CUX1: variants seen among roughly 807,000 people sequenced by gnomAD.
CUX1 encodes the protein protein CASP.
Under a neutral mutation model 158.8 loss-of-function variants are expected in CUX1, and 31 were observed. The ratio of observed to expected loss-of-function variants is 0.20; its 90% CI spans 0.15 to 0.26. CUX1 has a LOEUF of 0.26. Ranked by LOEUF, CUX1 falls within the 10% of genes least tolerant of loss-of-function variation. The probability of loss-of-function intolerance (pLI) is 1.00; values close to 1 mark genes in which losing one functional copy is unlikely to be tolerated. For missense variants in CUX1, 1,589 were observed against 2,014.6 expected, an observed-to-expected ratio of 0.79 and a Z score of 4.04; for synonymous variants, 879 against 862.1, an observed-to-expected ratio of 1.02 and a Z score of -0.34.
At chr7:102,012,775 G>A (rs963236142) in intron 2 of CUX1, among the ~76,000 whole-genome samples, 2 of 152,016 alleles carry the variant, frequency 1.3e-5, no homozygotes, top group East Asian at 1.9e-4. Flanking sequence ...ATGAATCAAT[G>A]AATGAATGAA....
chr7:102,206,075 G>A lies in CUX1; in HGVS notation c.3130+905G>A, dbSNP rs151247264. On this transcript the variant is annotated intron_variant, in intron 20 of 23. Coordinates refer to ENST00000292535, the MANE Select transcript of CUX1 (RefSeq NM_181552.4). Reference sequence around the variant, plus strand: ...CAAAGCTAACAGGAGCACGAAGCCCGCCAGCTTGCCGCAAGCTCCACGAGG... The same window carrying A: ...CAAAGCTAACAGGAGCACGAAGCCCACCAGCTTGCCGCAAGCTCCACGAGG... Among the ~76,000 whole-genome samples, 5 of 152,242 alleles carry A rather than the reference G, an allele frequency of 3.3e-5. No individual in the cohort carries two copies. In the East Asian group the frequency reaches 5.8e-4, roughly 18 times the overall value.
Position 102,200,103 on chromosome 7 carries a change from A to T in CUX1, c.1993A>T (p.Thr665Ser). Residue 665 changes from threonine (T) to serine (S), a missense_variant, in exon 17 of 24, where the codon ACT becomes TCT. By Grantham distance (58) the Thr-to-Ser change is moderately conservative. This residue lies in a region of CUX1 where 337 missense variants were observed against 409.3 expected (regional missense o/e 0.82). Coordinates refer to ENST00000292535, the MANE Select transcript of CUX1 (RefSeq NM_181552.4). ...CACCACCCGGATCCGAGCCTCGGAG[A>T]CTGGCTCTGATGAAGCCATCAAGTC... The part of the protein sequence containing the change: ...NITTRIRASE[T>S]GSDEAIKSIL... 6.2e-7 allele frequency: 1 copy of T among 1,613,488 alleles called. No individual in the cohort carries two copies. The highest frequency in any genetic ancestry group is 1.3e-5 in the African/African-American group (1 of 75,000).
At chr7:101,917,481 G>A (rs77929395) in intron 2 of CUX1, among the ~76,000 whole-genome samples, 177 of 152,212 alleles carry the variant, frequency 1.2e-3, no homozygotes, top group Admixed American at 1.9e-3. Flanking sequence ...CATGTTTCAC[G>A]AGACCAAAAA....
chr7:102,278,698 TAATAA>T (rs1791813721), intron 18 of CUX1, among the ~76,000 whole-genome samples: 1 of 133,890 alleles, frequency 7.5e-6, no homozygotes, highest in Non-Finnish European at 1.6e-5. Flanking sequence ...TAAAATAAAA[TAATAA>T]AATAGTAAAG....
chr7:102,158,686 G>T, intron 9 of CUX1, 78 bp downstream of exon 9: 1 of 1,360,658 alleles, frequency 7.3e-7, no homozygotes, highest in Non-Finnish European at 1.0e-6. Flanking sequence ...TGCGTCACCC[G>T]AAGTTAGAAG....
chr7:101,887,561 G>A (rs946359166), intron 1 of CUX1, among the ~76,000 whole-genome samples: 15 of 151,910 alleles, frequency 9.9e-5, no homozygotes, highest in African/African-American at 3.1e-4. Context: ...CTCCTGCCTC[G>A]GCCTCCCAAA....
intron 19 of CUX1, chr7:102,280,721 G>C: frequency 7.0e-7 from 1 of 1,429,008 alleles, no homozygotes. Flanking sequence ...GTGTCCTGTG[G>C]CTGGCCAGGC....
chr7:102,126,201 G>GTGTGTGTA (rs1832625391), intron 8 of CUX1, among the ~76,000 whole-genome samples: 1 of 151,158 alleles, frequency 6.6e-6, no homozygotes. Flanking sequence ...GTGTGTGTGT[G>GTGTGTGTA]TGTGTGTGTG....
chr7:101,902,915 T>C (rs1010099208), intron 1 of CUX1, among the ~76,000 whole-genome samples: 3 of 152,202 alleles, frequency 2.0e-5, no homozygotes, highest in African/African-American at 7.2e-5. Flanking sequence ...ACCCCTCTGA[T>C]ATTTCTTAAT....
At chr7:102,023,577 G>T (rs530564804) in intron 2 of CUX1, among the ~76,000 whole-genome samples, 2 of 152,292 alleles carry the variant, frequency 1.3e-5, no homozygotes, top group African/African-American at 4.8e-5. Flanking sequence ...TTGAGGTGGG[G>T]AGCCTCCCAA....
rs193109915 is a variant in CUX1, at chr7:102,200,272, A to G, written c.2062+100A>G. On this transcript the variant is annotated intron_variant, in intron 17 of 23. Coordinates refer to ENST00000292535, the MANE Select transcript of CUX1 (RefSeq NM_181552.4). ...TAATTAACTATTTTTTTTTTAAACAATAATGAATGCCTGTTCTCAAGCATT... is the reference window on the plus strand; with the variant it reads ...TAATTAACTATTTTTTTTTTAAACAGTAATGAATGCCTGTTCTCAAGCATT... 3.3e-3 allele frequency: 2,940 copies of G among 880,804 alleles called. 7 individuals carry two copies. Among genetic ancestry groups the G allele is most frequent in the Non-Finnish European group, 4.2e-3 (2,453 of 585,434 alleles). The allele number at this position is 880,804 out of a possible 1,614,324, so 54.6% of individuals were successfully genotyped here. A position where few individuals can be genotyped will look rare whatever the true frequency, so the allele number is the denominator to read the frequency against.
In CUX1 at chr7:101,825,810, C is replaced by T. The variant is rs1383800211; in HGVS notation, c.30+8141C>T. 7.2e-5 allele frequency among the ~76,000 whole-genome samples: 10 copies of T among 139,798 alleles called. No individual in the cohort carries two copies. In the East Asian group the frequency reaches 8.4e-4, roughly 12 times the overall value. 91.7% of individuals were successfully genotyped at this position (139,798 alleles called of 152,430 possible). ...GTGTGTGTGTGTGTGCGCGCGCGCG[C>T]GCAGTTAGTCTTCGGGGCTGCTTAT... On this transcript the variant is annotated intron_variant, in intron 1 of 23. Transcript: ENST00000292535.
intron 13 of CUX1, 178 bp downstream of exon 13, chr7:102,194,068 C>CT (rs1794551796): frequency 5.8e-6 from 4 of 690,466 alleles, no homozygotes; most frequent in Non-Finnish European, 1.0e-5. Context: ...TTTTTGTCTC[C>CT]TTTTTTTCCA....
chr7:101,986,560 C>T (rs528075237), intron 2 of CUX1, among the ~76,000 whole-genome samples: 5 of 152,272 alleles, frequency 3.3e-5, no homozygotes, highest in East Asian at 1.9e-4. Flanking sequence ...CCAGGCCCAT[C>T]GCTGTGTTGG....
At chr7:102,010,840 G>A (rs6973714) in intron 2 of CUX1, among the ~76,000 whole-genome samples, 58,318 of 152,078 alleles carry the variant, frequency 0.38, 11,709 homozygotes, top group Middle Eastern at 0.43. Context: ...GCCAGGCGTG[G>A]TGGCTCATGC....
At chr7:102,051,302 A>G (rs1178316381) in intron 3 of CUX1, among the ~76,000 whole-genome samples, 1 of 152,110 alleles carries the variant, frequency 6.6e-6, no homozygotes, top group African/African-American at 2.4e-5. Flanking sequence ...CTAAGTTTGC[A>G]AAACACAGGA....
At chr7:102,199,665 A>G (rs1406070493) in intron 16 of CUX1, among the ~76,000 whole-genome samples, 4 of 152,234 alleles carry the variant, frequency 2.6e-5, no homozygotes, top group Non-Finnish European at 1.5e-5. Context: ...TTTTCCGTTT[A>G]TCCTGTGTGG....
At chr7:101,970,884 C>A (rs1201675868) in intron 2 of CUX1, among the ~76,000 whole-genome samples, 1 of 152,142 alleles carries the variant, frequency 6.6e-6, no homozygotes, top group Non-Finnish European at 1.5e-5. Context: ...TCAGAACTGA[C>A]CCTGGGATCA....
At chr7:101,935,904 G>T (rs1001178518) in intron 2 of CUX1, among the ~76,000 whole-genome samples, 2 of 152,196 alleles carry the variant, frequency 1.3e-5, no homozygotes, top group African/African-American at 4.8e-5. Context: ...GCAGATGGAC[G>T]TTTGGGGACA....
Sources: allele counts gnomAD v4.1 joint callset (sites outside exome capture counted in the v4.1 genomes callset), GRCh38; gene constraint gnomAD v4.1.1; regional missense constraint gnomAD v4.1.1; transcripts MANE v1.5; gene names NCBI Gene and HGNC (gene_info 2026-07-23, HGNC 2026-07-21).